The following TYW1 variants were observed in gnomAD, a reference collection of about 807,000 sequenced individuals.
TYW1 encodes tRNA-yW synthesizing protein 1 homolog.
In TYW1, 46 loss-of-function variants were observed where a neutral mutation model predicts 96.2. The ratio of observed to expected loss-of-function variants is 0.48; its 90% CI spans 0.38 to 0.61. The LOEUF (loss-of-function observed/expected upper bound fraction) is 0.61, where lower values mean the gene tolerates loss of function less well. TYW1 is among the 20% of genes least tolerant of loss of function. The pLI, the probability that TYW1 is intolerant of heterozygous loss-of-function variation, is 0.00. For missense variants in TYW1, 684 were observed against 909.6 expected, an observed-to-expected ratio of 0.75 and a Z score of 3.19; for synonymous variants, 274 against 323.0, an observed-to-expected ratio of 0.85 and a Z score of 1.63.
intron 15 of TYW1, among the ~76,000 whole-genome samples, chr7:67,234,045 T>TA (rs1672273572): frequency 7.4e-6 from 1 of 135,520 alleles, no homozygotes; most frequent in Non-Finnish European, 1.6e-5. Context: ...GATCAGTGTC[T>TA]TTATAAGAAG....
intron 15 of TYW1, among the ~76,000 whole-genome samples, chr7:67,223,522 A>G (rs936432203): frequency 9.2e-5 from 14 of 151,622 alleles, no homozygotes; most frequent in African/African-American, 3.4e-4. Flanking sequence ...TACACCTCCC[A>G]AAGGTGGGAA....
chr7:67,092,793 C>T (rs1332112583), intron 11 of TYW1, among the ~76,000 whole-genome samples: 2 of 150,112 alleles, frequency 1.3e-5, no homozygotes, highest in South Asian at 2.1e-4. Flanking sequence ...AGCAATTCTC[C>T]TGGCTCAGCC....
rs529988154 is a variant in TYW1, at chr7:67,148,551, G to T, written c.1698+30933G>T. ...CGCCATTCTCCTGCCTCAGCCTCCC[G>T]AGTAGCTGGGACTACAGGCGCCTGC... On this transcript the variant is annotated intron_variant, in intron 13 of 15. Transcript: ENST00000359626. Among the ~76,000 whole-genome samples the T allele has an allele frequency of 2.1e-4, 31 of 148,754 alleles. No individual in the cohort carries two copies. In the East Asian group the frequency reaches 2.2e-3, roughly 11 times the overall value.
intron 13 of TYW1, among the ~76,000 whole-genome samples, chr7:67,168,251 G>A (rs962957762): frequency 1.3e-5 from 2 of 151,890 alleles, no homozygotes. Flanking sequence ...TTCTATTCAT[G>A]CAATAAACTC....
At chr7:67,037,699 C>T (rs1222073980) in intron 7 of TYW1, among the ~76,000 whole-genome samples, 5 of 151,712 alleles carry the variant, frequency 3.3e-5, no homozygotes, top group Admixed American at 6.6e-5. Context: ...CTGGGTGCGG[C>T]GACTCTGCCT....
intron 13 of TYW1, among the ~76,000 whole-genome samples, chr7:67,144,394 C>T (rs1029567910): frequency 6.6e-6 from 1 of 152,224 alleles, no homozygotes; most frequent in African/African-American, 2.4e-5. Context: ...AGTATATGAA[C>T]AGACATCTCT....
chr7:67,172,620 A>C (rs1430002189), intron 13 of TYW1, among the ~76,000 whole-genome samples: 1 of 152,028 alleles, frequency 6.6e-6, no homozygotes, highest in Admixed American at 6.5e-5. Context: ...ACTGCATTTC[A>C]CCATGTTGGC....
At chr7:67,186,980 TA>T (rs1800045165) in intron 14 of TYW1, among the ~76,000 whole-genome samples, 1 of 150,910 alleles carries the variant, frequency 6.6e-6, no homozygotes, top group African/African-American at 2.4e-5. Context: ...CAAAAATCTA[TA>T]AAAGTAAAAT....
chr7:67,046,946 G>A (rs1255452535), intron 7 of TYW1, among the ~76,000 whole-genome samples: 4 of 152,178 alleles, frequency 2.6e-5, no homozygotes, highest in Non-Finnish European at 4.4e-5. Context: ...GGGGACAGAA[G>A]TCTCTGTTTA....
At chr7:67,228,609 A>C (rs1260694555) in intron 15 of TYW1, among the ~76,000 whole-genome samples, 1 of 152,192 alleles carries the variant, frequency 6.6e-6, no homozygotes, top group Non-Finnish European at 1.5e-5. Context: ...AGTCATACAA[A>C]CCACCTCCAA....
intron 6 of TYW1, among the ~76,000 whole-genome samples, chr7:67,018,592 TGTG>T (rs1211540316): frequency 6.6e-6 from 1 of 151,648 alleles, no homozygotes; most frequent in Non-Finnish European, 1.5e-5. Context: ...GTGAAACTCA[TGTG>T]GTGGTGTTTC....
At chr7:67,070,772 A>G (rs958332232) in intron 10 of TYW1, among the ~76,000 whole-genome samples, 6 of 152,084 alleles carry the variant, frequency 3.9e-5, no homozygotes, top group African/African-American at 1.4e-4. Context: ...AGTTTTTCCA[A>G]TACATGCTGG....
rs564785371 is a variant in TYW1 at position 67,049,864 on chromosome 7, A to C, written c.985-85A>C. On this transcript the variant is annotated intron_variant, in intron 7 of 15. Transcript: ENST00000359626. ...GCCCGGCCTCATAATGGACCTTTTT[A>C]TTGATGCTAGGTGTTCATGATTGTG... 3 of 1,538,566 alleles carry C rather than the reference A, an allele frequency of 1.9e-6. No homozygotes were observed. The East Asian group carries it at 6.9e-5, about 35-fold the overall frequency.
At position 66,996,998 on chromosome 7, in the gene TYW1, G is replaced by T. The variant is rs770536540; in HGVS notation, c.4+16G>T. The T allele has an allele frequency of 5.0e-6, 8 of 1,614,072 alleles. No homozygotes were observed. The highest frequency in any genetic ancestry group is 4.0e-5 in the African/African-American group (3 of 75,062). On this transcript the variant is annotated intron_variant, in intron 1 of 15. Transcript: ENST00000359626. ...AGGAGGATGGGTAAGGGCACTCGGC[G>T]GGCAAGGACCCTGGGGCGGCAGGGG...
Position 67,010,392 on chromosome 7 carries a change from C to T in TYW1, c.375+708C>T, listed in dbSNP as rs573495638. 1.8e-4 allele frequency among the ~76,000 whole-genome samples: 27 copies of T among 152,124 alleles called. 1 individual carries two copies. The highest frequency in any genetic ancestry group is 1.0e-3 in the Admixed American group (16 of 15,250). Reference sequence around the variant, plus strand: ...GTACAGTGGTGCAATTTCAACCTCCCGGGCTCAAGTGATCCTCCTTCCTCA... The same window carrying T: ...GTACAGTGGTGCAATTTCAACCTCCTGGGCTCAAGTGATCCTCCTTCCTCA... On this transcript the variant is annotated intron_variant, in intron 4 of 15. Coordinates refer to ENST00000359626, the MANE Select transcript of TYW1 (RefSeq NM_018264.4).
Position 67,230,470 on chromosome 7 carries a change from AAAAG to A in TYW1, c.1978-7837_1978-7834del. Among the ~76,000 whole-genome samples the A allele has an allele frequency of 2.0e-5, 3 of 151,880 alleles. No individual in the cohort carries two copies. The South Asian group carries it at 6.3e-4, about 32-fold the overall frequency. On this transcript the variant is annotated intron_variant, in intron 15 of 15. Coordinates refer to ENST00000359626, the MANE Select transcript of TYW1 (RefSeq NM_018264.4). The stretch of plus-strand genomic sequence containing the variant: ...TTTATTAAAAAACAAAACAAAACAA[AAAAG>A]CAGCAGTTCCTTGTACCCTCCTCAA...
chr7:67,094,663 T>G (rs1304735795), intron 11 of TYW1, among the ~76,000 whole-genome samples: 4 of 150,552 alleles, frequency 2.7e-5, no homozygotes, highest in African/African-American at 4.9e-5. Context: ...TGTGTGTGTG[T>G]GTGTGTGTGT....
chr7:67,006,602 C>A (rs1562961886), intron 3 of TYW1, among the ~76,000 whole-genome samples: 1 of 151,796 alleles, frequency 6.6e-6, no homozygotes, highest in Non-Finnish European at 1.5e-5. Flanking sequence ...CCATGCCCAG[C>A]TAATTTTTTG....
chr7:66,999,279 G>C (rs143337972), intron 3 of TYW1, among the ~76,000 whole-genome samples: 2,543 of 152,318 alleles, frequency 0.017, 33 homozygotes, highest in Non-Finnish European at 0.023. Flanking sequence ...GGGTATGGAA[G>C]TAGGGAATAG....
Sources: gnomAD v4.1 joint callset for allele counts (sites outside exome capture counted in the v4.1 genomes callset) on GRCh38, gnomAD v4.1.1 for gene constraint, MANE v1.5 for transcripts, NCBI Gene and HGNC (gene_info 2026-07-23, HGNC 2026-07-21) for gene names.